TSPEAR: variants seen among roughly 807,000 people sequenced by gnomAD.
TSPEAR encodes thrombospondin type laminin G domain and EAR repeats.
Under a neutral mutation model 71.6 loss-of-function variants are expected in TSPEAR, and 69 were observed. The observed-to-expected ratio is 0.96, with a 90% CI of 0.79 to 1.18. TSPEAR has a LOEUF of 1.18. TSPEAR is among the 50% of genes most tolerant of loss of function. TSPEAR has a pLI of 0.00. For synonymous variants in TSPEAR, 402 were observed against 387.2 expected (o/e 1.04, Z -0.45); for missense variants, 971 against 894.9 (o/e 1.09, Z -1.09).
chr21:44,564,858 C>A (rs1163779035), intron 2 of TSPEAR, among the ~76,000 whole-genome samples: 1 of 151,990 alleles, frequency 6.6e-6, no homozygotes, highest in African/African-American at 2.4e-5. Flanking sequence ...TATGCAGTAT[C>A]GTCTAGCATA....
intron 1 of TSPEAR, among the ~76,000 whole-genome samples, chr21:44,581,561 A>G (rs1028771541): frequency 2.6e-5 from 4 of 152,050 alleles, no homozygotes; most frequent in African/African-American, 9.7e-5. Flanking sequence ...ACTCTCTGGG[A>G]ACATTTGGTT....
chr21:44,535,403 T>C (rs145883868), intron 2 of TSPEAR, among the ~76,000 whole-genome samples: 12 of 152,190 alleles, frequency 7.9e-5, no homozygotes, highest in African/African-American at 2.9e-4. Flanking sequence ...AATTAAAGAA[T>C]TGAAAGTGAT....
At position 44,637,749 on chromosome 21, in the gene TSPEAR, A is replaced by T. The variant is rs116100696; in HGVS notation, c.83-69744T>A. Reference sequence around the variant, plus strand: ...GTCTGCTGCGTGCCCGTCTGTAACAAGCCTGTGTGCTTCGTGCCTACCTGC... The same window carrying T: ...GTCTGCTGCGTGCCCGTCTGTAACATGCCTGTGTGCTTCGTGCCTACCTGC... On this transcript the variant is annotated intron_variant, in intron 1 of 11. Coordinates refer to ENST00000323084, the MANE Select transcript of TSPEAR (RefSeq NM_144991.3). The T allele has an allele frequency of 3.6e-3, 4,729 of 1,330,690 alleles. 118 individuals are homozygous for T. The African/African-American group carries it at 0.068, about 19-fold the overall frequency. The allele number at this position is 1,330,690 out of a possible 1,614,324, so 82.4% of individuals were successfully genotyped here. A position where few individuals can be genotyped will look rare whatever the true frequency, so the allele number is the denominator to read the frequency against.
At chr21:44,571,086 G>C (rs1233554951) in intron 1 of TSPEAR, among the ~76,000 whole-genome samples, 7 of 152,204 alleles carry the variant, frequency 4.6e-5, no homozygotes, top group African/African-American at 1.7e-4. Context: ...AGATAGAATA[G>C]GAGAAAACAC....
At chr21:44,628,042 A>G (rs1555934959) in intron 1 of TSPEAR, 3 of 1,611,896 alleles carry the variant, frequency 1.9e-6, no homozygotes, top group East Asian at 4.5e-5. Context: ...CCAGAAGTCC[A>G]GCTGCTGACG....
At chr21:44,638,083 C>T (rs1555937577) in intron 1 of TSPEAR, 7 of 1,613,660 alleles carry the variant, frequency 4.3e-6, no homozygotes, top group Non-Finnish European at 5.9e-6. Context: ...GCTGCTGCCG[C>T]ACGGCCTCCT....
chr21:44,691,526 GAT>G (rs1286924066), intron 1 of TSPEAR, among the ~76,000 whole-genome samples: 2 of 152,246 alleles, frequency 1.3e-5, no homozygotes, highest in East Asian at 1.9e-4. Context: ...ACTCATCAAA[GAT>G]ATGAGAATTA....
chr21:44,698,880 G>A (rs992981397), intron 1 of TSPEAR, among the ~76,000 whole-genome samples: 3 of 152,212 alleles, frequency 2.0e-5, no homozygotes, highest in Non-Finnish European at 4.4e-5. Flanking sequence ...GCTCCAGCCG[G>A]GGCAACAGAG....
At chr21:44,629,187 G>A (rs1446217486) in intron 1 of TSPEAR, among the ~76,000 whole-genome samples, 1 of 152,212 alleles carries the variant, frequency 6.6e-6, no homozygotes, top group Non-Finnish European at 1.5e-5. Flanking sequence ...GGAGAGCATA[G>A]TCGGGTTTGG....
intron 2 of TSPEAR, among the ~76,000 whole-genome samples, chr21:44,564,885 A>G (rs1187864893): frequency 2.6e-5 from 4 of 152,200 alleles, no homozygotes; most frequent in African/African-American, 9.6e-5. Flanking sequence ...ATGTTAGGCC[A>G]TAAAATAAAC....
At chr21:44,614,559 G>A (rs900345360) in intron 1 of TSPEAR, among the ~76,000 whole-genome samples, 7 of 152,262 alleles carry the variant, frequency 4.6e-5, no homozygotes, top group Admixed American at 4.6e-4. Flanking sequence ...TGGCAGGGCC[G>A]TGTGGCCGGG....
chr21:44,710,503 G>A lies in TSPEAR; in HGVS notation c.82+930C>T, dbSNP rs1988164925. On this transcript the variant is annotated intron_variant, in intron 1 of 11. Coordinates refer to ENST00000323084, the MANE Select transcript of TSPEAR (RefSeq NM_144991.3). The surrounding 1 kb of genome is among the most constrained non-coding windows in gnomAD (Gnocchi z 4.6). ...TCCCCTGGTCATGTCATCGGGATCT[G>A]AGTGCCATCCGAGCAGAGAGCTGTG... Among the ~76,000 whole-genome samples the A allele has an allele frequency of 1.3e-5, 2 of 151,808 alleles. No homozygotes were observed. Among genetic ancestry groups the A allele is most frequent in the Non-Finnish European group, 2.9e-5 (2 of 67,998 alleles).
rs1440577139 is a variant in TSPEAR at position 44,651,985 on chromosome 21, T to C, written c.82+59448A>G. On this transcript the variant is annotated intron_variant, in intron 1 of 11. Coordinates refer to ENST00000323084, the MANE Select transcript of TSPEAR (RefSeq NM_144991.3). ...GACTTCTGAATAAAACTTTCTTTTT[T>C]TTTTTTTTTTTTTTTTGAAACGGAG... Among the ~76,000 whole-genome samples, 83 of 100,992 alleles carry C rather than the reference T, an allele frequency of 8.2e-4. No individual in the cohort carries two copies. In the East Asian group the frequency reaches 8.8e-3, roughly 11 times the overall value. The allele number at this position is 100,992 out of a possible 152,430, so 66.3% of individuals were successfully genotyped here. A position where few individuals can be genotyped will look rare whatever the true frequency, so the allele number is the denominator to read the frequency against.
At chr21:44,569,996 C>T (rs1355692330) in intron 1 of TSPEAR, among the ~76,000 whole-genome samples, 3 of 152,144 alleles carry the variant, frequency 2.0e-5, no homozygotes, top group Non-Finnish European at 4.4e-5. Flanking sequence ...AAACCCCATG[C>T]ACCCTACTGC....
intron 1 of TSPEAR, among the ~76,000 whole-genome samples, chr21:44,638,687 TG>T (rs1983830757): frequency 6.6e-6 from 1 of 151,880 alleles, no homozygotes; most frequent in Non-Finnish European, 1.5e-5. Flanking sequence ...CTTAGCCCCG[TG>T]GGCCCCCAAC....
At chr21:44,663,026 A>C (rs983282768) in intron 1 of TSPEAR, among the ~76,000 whole-genome samples, 6 of 152,154 alleles carry the variant, frequency 3.9e-5, no homozygotes, top group African/African-American at 1.4e-4. Flanking sequence ...AAAGTCCTGA[A>C]ATCAATTATC....
rs1986933004 is a variant in TSPEAR, at chr21:44,687,925, T to C, written c.82+23508A>G. 6.6e-6 allele frequency among the ~76,000 whole-genome samples: 1 copy of C among 152,170 alleles called. No individual in the cohort carries two copies. Among genetic ancestry groups the C allele is most frequent in the Non-Finnish European group, 1.5e-5 (1 of 68,018 alleles). The stretch of plus-strand genomic sequence containing the variant: ...CTTCCCCTGCAGTGCCTGTGAAATA[T>C]GATGCACTGACAGAGGCCGGCTCGG... On this transcript the variant is annotated intron_variant, in intron 1 of 11. Transcript: ENST00000323084. This position sits in a 1 kb window ranked among gnomAD's most constrained non-coding sequence, Gnocchi z 4.4.
In TSPEAR at chr21:44,580,430, G is replaced by A. The variant is rs1978872009; in HGVS notation, c.83-12425C>T. ...GGGCTCACAGGCCGCCTGGCAGCAG[G>A]GGCTGGACACACAGCTCACTGGGGT... On this transcript the variant is annotated intron_variant, in intron 1 of 11. Transcript: ENST00000323084. 4 of 1,613,018 alleles carry A rather than the reference G, an allele frequency of 2.5e-6. No homozygotes were observed. In the African/African-American group the frequency reaches 4.0e-5, roughly 16 times the overall value.
chr21:44,557,966 G>T, intron 2 of TSPEAR: 1 of 1,482,680 alleles, frequency 6.7e-7, no homozygotes, highest in Non-Finnish European at 9.1e-7. Context: ...GGGCAGAGGA[G>T]ACTCAGACAG....
Sources: gnomAD v4.1 joint callset for allele counts (sites outside exome capture counted in the v4.1 genomes callset) on GRCh38, gnomAD v4.1.1 for gene constraint, Gnocchi (gnomAD v3.1) non-coding constraint, MANE v1.5 for transcripts, NCBI Gene and HGNC (gene_info 2026-07-23, HGNC 2026-07-21) for gene names.